CC2D2A: variants seen among roughly 807,000 people sequenced by gnomAD.
The protein encoded by CC2D2A is coiled-coil and C2 domain containing 2A.
A neutral mutation model predicts 212.9 loss-of-function variants in CC2D2A; 155 were observed. That is an observed-to-expected ratio of 0.73 (90% CI 0.64 to 0.83). The LOEUF (loss-of-function observed/expected upper bound fraction) is 0.83, where lower values mean the gene tolerates loss of function less well. CC2D2A is among the 40% of genes least tolerant of loss of function. The pLI is 0.00. For synonymous variants in CC2D2A, 667 were observed against 686.5 expected (o/e 0.97, Z 0.44); for missense variants, 1,856 against 1,956.2 (o/e 0.95, Z 0.97).
chr4:15,529,673 G>A lies in CC2D2A; in HGVS notation c.1466+947G>A, dbSNP rs551524307. Among the ~76,000 whole-genome samples the A allele has an allele frequency of 9.0e-4, 136 of 151,804 alleles. No individual in the cohort carries two copies. In the Middle Eastern group the frequency reaches 0.014, roughly 15 times the overall value. On this transcript the variant is annotated intron_variant, in intron 13 of 36. Transcript: ENST00000424120. The stretch of plus-strand genomic sequence containing the variant: ...AGTTTGTATAATTCTCAACTGATAC[G>A]CATTTGCATTTTTATTCTATTTTTT...
chr4:15,597,270 T>C lies in CC2D2A; in HGVS notation c.4438-137T>C, dbSNP rs140464941. 1.2e-3 allele frequency: 803 copies of C among 690,194 alleles called. 9 individuals are homozygous for C. The African/African-American group carries it at 0.013, about 11-fold the overall frequency. 42.8% of individuals were successfully genotyped at this position (690,194 alleles called of 1,614,324 possible). On this transcript the variant is annotated intron_variant, in intron 34 of 36. Transcript: ENST00000424120. ...ATGATGTTTTACTTTTGGTGGGTCA[T>C]GGGTACATCAGCATGCATTATATTA... is the stretch of plus-strand genomic sequence containing the variant.
chr4:15,500,460 T>C (rs1715882018), intron 4 of CC2D2A, among the ~76,000 whole-genome samples: 1 of 152,182 alleles, frequency 6.6e-6, no homozygotes, highest in Non-Finnish European at 1.5e-5. Context: ...TTTAAAAGAA[T>C]GCCAAAGGCC....
At chr4:15,521,905 G>A (rs1256013234) in intron 11 of CC2D2A, among the ~76,000 whole-genome samples, 1 of 152,186 alleles carries the variant, frequency 6.6e-6, no homozygotes, top group Admixed American at 6.6e-5. Context: ...CAAATCAAAA[G>A]TTGGCAATTA....
intron 23 of CC2D2A, chr4:15,561,481 G>C (rs1030011065): frequency 6.6e-6 from 1 of 151,954 alleles, no homozygotes; most frequent in African/African-American, 2.4e-5. Flanking sequence ...TCCAGTCATT[G>C]AATGTTTTCA....
At chr4:15,562,658 T>C (rs569266505) in intron 23 of CC2D2A, among the ~76,000 whole-genome samples, 2 of 152,366 alleles carry the variant, frequency 1.3e-5, no homozygotes, top group South Asian at 4.1e-4. Context: ...TTACACACAC[T>C]TCCTTATTCA....
chr4:15,569,624 T>C (rs1423811008), intron 27 of CC2D2A, among the ~76,000 whole-genome samples: 1 of 152,172 alleles, frequency 6.6e-6, no homozygotes, highest in African/African-American at 2.4e-5. Flanking sequence ...TTCTCGAAAG[T>C]AAGAGGAAGA....
chr4:15,567,782 T>C lies in CC2D2A; in HGVS notation c.3394T>C (p.Phe1132Leu). 5.7e-6 allele frequency: 9 copies of C among 1,581,724 alleles called. No individual in the cohort carries two copies. The African/African-American group carries it at 6.8e-5, about 12-fold the overall frequency. ...CTGGAATGAAGAACTAGAACTTCCA[T>C]TTAGGTAAGCATATTTTCCTCTTTA... ...PSWNEELELP[F>L]RAPNGDYSTA... The change falls in exon 26 of 37, where the codon TTT becomes CTT. Residue 1132 changes from phenylalanine (F) to leucine (L), a missense_variant. Phe to Leu is a conservative substitution (Grantham distance 22). Transcript: ENST00000424120.
intron 26 of CC2D2A, 99 bp downstream of exon 26, chr4:15,567,885 T>C: frequency 4.9e-6 from 4 of 811,628 alleles, no homozygotes; most frequent in Non-Finnish European, 7.6e-6. Context: ...ATTTTGTAGC[T>C]AGTGAGCGGC....
At chr4:15,556,736 C>T (rs529912906) in intron 20 of CC2D2A, among the ~76,000 whole-genome samples, 90 of 152,282 alleles carry the variant, frequency 5.9e-4, no homozygotes, top group African/African-American at 1.9e-3. Flanking sequence ...CTCAGAGGTG[C>T]CAGACTTGGC....
intron 23 of CC2D2A, among the ~76,000 whole-genome samples, chr4:15,561,768 G>C (rs966151430): frequency 1.3e-5 from 2 of 152,150 alleles, no homozygotes; most frequent in African/African-American, 4.8e-5. Context: ...CAATGGAAGA[G>C]TGTTGTCATG....
Position 15,574,194 on chromosome 4 carries a change from C to CTACA in CC2D2A, c.3640_3643dup (p.Ser1215IlefsTer3), listed in dbSNP as rs2109077880. On this transcript the variant is annotated frameshift_variant, in exon 29 of 37. Transcript: ENST00000424120. LOFTEE classifies it high-confidence loss of function. ...TAGATATTCCCCCAGTTCTTCTGGG[C>CTACA]TACAGTAAGGAGCGAAATATGATTC... The CTACA allele has an allele frequency of 1.9e-6, 3 of 1,551,148 alleles. No individual in the cohort carries two copies. Among genetic ancestry groups the CTACA allele is most frequent in the Non-Finnish European group, 2.6e-6 (3 of 1,146,674 alleles).
intron 13 of CC2D2A, among the ~76,000 whole-genome samples, chr4:15,528,959 G>A (rs1235788948): frequency 6.6e-6 from 1 of 152,210 alleles, no homozygotes; most frequent in Admixed American, 6.5e-5. Context: ...TACAGCTACC[G>A]CTTCTGAGAG....
chr4:15,575,075 G>A (rs1720343929), intron 29 of CC2D2A, among the ~76,000 whole-genome samples: 1 of 152,196 alleles, frequency 6.6e-6, no homozygotes, highest in East Asian at 1.9e-4. Context: ...TAGTTGTATA[G>A]CATTTATACA....
rs1453265480 is a variant in CC2D2A at position 15,502,924 on chromosome 4, G to A, written c.438+1G>A. 6.2e-7 allele frequency: 1 copy of A among 1,600,950 alleles called. No homozygotes were observed. Among genetic ancestry groups the A allele is most frequent in the African/African-American group, 1.3e-5 (1 of 74,482 alleles). On this transcript the variant is annotated splice_donor_variant, in intron 6 of 36. Transcript: ENST00000424120. LOFTEE classifies it high-confidence loss of function. Reference sequence around the variant, plus strand: ...ATTGGAGACTGAATTTGGCACAGAGGTGAGAAATACCCTCTCTACTTTGTG... The same window carrying A: ...ATTGGAGACTGAATTTGGCACAGAGATGAGAAATACCCTCTCTACTTTGTG...
intron 13 of CC2D2A, among the ~76,000 whole-genome samples, chr4:15,532,530 T>G (rs1407856566): frequency 6.6e-6 from 1 of 152,250 alleles, no homozygotes; most frequent in Non-Finnish European, 1.5e-5. Flanking sequence ...GGAGATATCT[T>G]CTGTCTCTTA....
chr4:15,579,412 T>C (rs1044464373), intron 29 of CC2D2A, among the ~76,000 whole-genome samples: 2 of 152,202 alleles, frequency 1.3e-5, no homozygotes, highest in Non-Finnish European at 2.9e-5. Context: ...ATAATTCTTA[T>C]ACATTTGATG....
chr4:15,475,354 G>C (rs1714126530), intron 1 of CC2D2A, among the ~76,000 whole-genome samples: 1 of 152,168 alleles, frequency 6.6e-6, no homozygotes, highest in South Asian at 2.1e-4. Context: ...GTAGGAATGA[G>C]CCAATAGAGC....
At chr4:15,595,541 TAAACAGAAGG>T (rs750324150) in intron 33 of CC2D2A, among the ~76,000 whole-genome samples, 11 of 152,236 alleles carry the variant, frequency 7.2e-5, no homozygotes. Flanking sequence ...ATCCCACTGT[TAAACAGAAGG>T]AAACCGAGGC....
At position 15,533,209 on chromosome 4, in the gene CC2D2A, C is replaced by A; in HGVS notation, c.1483C>A (p.Arg495Ser). The change falls in exon 14 of 37, where the codon CGT becomes AGT. Residue 495 changes from arginine to serine, a missense_variant. This residue lies in a region of CC2D2A where 1,512 missense variants were observed against 1,579.3 expected (regional missense o/e 0.96). Coordinates refer to ENST00000424120, the MANE Select transcript of CC2D2A (RefSeq NM_001378615.1). The part of the protein sequence containing the change: ...KSEIRQTRKF[R>S]DAEQEKDRTL... ...ATCTTGCAGACAAACAAGAAAATTC[C>A]GTGATGCTGAACAAGAAAAAGATAG... is the stretch of plus-strand genomic sequence containing the variant. 6.3e-7 allele frequency: 1 copy of A among 1,578,822 alleles called. No homozygotes were observed. The highest frequency in any genetic ancestry group is 1.2e-5 in the South Asian group (1 of 82,282).
Sources: allele counts gnomAD v4.1 joint callset (sites outside exome capture counted in the v4.1 genomes callset), GRCh38; gene constraint gnomAD v4.1.1; regional missense constraint gnomAD v4.1.1; transcripts MANE v1.5; gene names NCBI Gene and HGNC (gene_info 2026-07-23, HGNC 2026-07-21).